Variants in LDB2 observed in about 807,000 individuals in gnomAD.
The protein encoded by LDB2 is LIM domain binding 2.
Under a neutral mutation model 44.3 loss-of-function variants are expected in LDB2, and 12 were observed. The observed-to-expected ratio is 0.27, with a 90% CI of 0.17 to 0.44. The LOEUF (loss-of-function observed/expected upper bound fraction) is 0.44. Among genes scored for constraint, LDB2 ranks in the 20% least tolerant of loss-of-function variants. LDB2 has a pLI of 1.00. For synonymous variants in LDB2, 164 were observed against 174.8 expected, an observed-to-expected ratio of 0.94 and a Z score of 0.49; for missense variants, 344 against 473.5, an observed-to-expected ratio of 0.73 and a Z score of 2.54.
intron 5 of LDB2, among the ~76,000 whole-genome samples, chr4:16,520,921 C>T (rs1374958644): frequency 6.6e-6 from 1 of 152,172 alleles, no homozygotes; most frequent in Non-Finnish European, 1.5e-5. Context: ...GCCATAATTT[C>T]TCTGCCATAT....
intron 1 of LDB2, among the ~76,000 whole-genome samples, chr4:16,804,131 T>A (rs1372417959): frequency 6.6e-6 from 1 of 152,186 alleles, no homozygotes; most frequent in Non-Finnish European, 1.5e-5. Flanking sequence ...ATACTTTTTT[T>A]CTTTAAGAGA....
chr4:16,841,967 A>G (rs1785973682), intron 1 of LDB2, among the ~76,000 whole-genome samples: 1 of 152,226 alleles, frequency 6.6e-6, no homozygotes, highest in African/African-American at 2.4e-5. Flanking sequence ...AGAGGCCATC[A>G]AGACCCTCAT....
intron 7 of LDB2, among the ~76,000 whole-genome samples, chr4:16,507,970 C>G (rs1016829737): frequency 3.9e-5 from 6 of 152,154 alleles, no homozygotes; most frequent in Non-Finnish European, 8.8e-5. Flanking sequence ...GCCAAGGGTT[C>G]GAGAGAGTTG....
chr4:16,606,353 AG>A (rs1723930777), intron 2 of LDB2, among the ~76,000 whole-genome samples: 1 of 152,234 alleles, frequency 6.6e-6, no homozygotes, highest in Admixed American at 6.5e-5. Context: ...TTTTCTCAAC[AG>A]GGTAGAAAGG....
At chr4:16,877,094 T>A (rs1464142270) in intron 1 of LDB2, among the ~76,000 whole-genome samples, 1 of 152,086 alleles carries the variant, frequency 6.6e-6, no homozygotes, top group Non-Finnish European at 1.5e-5. Flanking sequence ...TCCAAACATT[T>A]TCAAATCTGT....
intron 1 of LDB2, among the ~76,000 whole-genome samples, chr4:16,891,935 T>G (rs1457478971): frequency 6.6e-6 from 1 of 152,204 alleles, no homozygotes; most frequent in Non-Finnish European, 1.5e-5. Context: ...TAAACTACCG[T>G]CTATTTGACC....
chr4:16,544,980 G>A (rs1735182901), intron 5 of LDB2, among the ~76,000 whole-genome samples: 1 of 152,100 alleles, frequency 6.6e-6, no homozygotes, highest in Admixed American at 6.5e-5. Context: ...GGCAAGAGAT[G>A]GAGAGAGAAC....
At chr4:16,505,554 A>G (rs1246317774) in intron 7 of LDB2, among the ~76,000 whole-genome samples, 1 of 152,184 alleles carries the variant, frequency 6.6e-6, no homozygotes, top group African/African-American at 2.4e-5. Flanking sequence ...ACACAAAATA[A>G]ATAAAGCATG....
chr4:16,655,132 A>G (rs945532862), intron 2 of LDB2, among the ~76,000 whole-genome samples: 1 of 152,194 alleles, frequency 6.6e-6, no homozygotes, highest in African/African-American at 2.4e-5. Context: ...TTGAAAAAAT[A>G]GATCCATATT....
intron 1 of LDB2, among the ~76,000 whole-genome samples, chr4:16,891,911 A>G (rs1291675903): frequency 6.6e-6 from 1 of 152,252 alleles, no homozygotes; most frequent in Non-Finnish European, 1.5e-5. Flanking sequence ...CAGAGTAGTT[A>G]CAACCTCTGA....
chr4:16,821,852 C>G (rs1248397579), intron 1 of LDB2, among the ~76,000 whole-genome samples: 1 of 149,762 alleles, frequency 6.7e-6, no homozygotes, highest in African/African-American at 2.4e-5. Context: ...CTAGTGGCCT[C>G]TATGATTAAA....
chr4:16,557,072 T>G, intron 5 of LDB2, among the ~76,000 whole-genome samples: 1 of 152,194 alleles, frequency 6.6e-6, no homozygotes. Context: ...CATAAGAAGA[T>G]AGATCTCGAT....
At chr4:16,632,347 T>C (rs1036062476) in intron 2 of LDB2, among the ~76,000 whole-genome samples, 1 of 152,152 alleles carries the variant, frequency 6.6e-6, no homozygotes, top group Non-Finnish European at 1.5e-5. Context: ...ATTATCTCAA[T>C]AGATGCAGAA....
intron 2 of LDB2, among the ~76,000 whole-genome samples, chr4:16,705,419 T>A (rs1332427716): frequency 6.6e-6 from 1 of 152,164 alleles, no homozygotes; most frequent in East Asian, 1.9e-4. Flanking sequence ...TCTGAGCTGA[T>A]GTCTCAGGAG....
At chr4:16,884,725 T>A (rs1017523715) in intron 1 of LDB2, among the ~76,000 whole-genome samples, 9 of 152,244 alleles carry the variant, frequency 5.9e-5, no homozygotes, top group Non-Finnish European at 1.3e-4. Flanking sequence ...GTGTAGTAGA[T>A]GTTCAATATC....
chr4:16,549,726 T>G (rs1236892108), intron 5 of LDB2, among the ~76,000 whole-genome samples: 1 of 152,214 alleles, frequency 6.6e-6, no homozygotes, highest in Non-Finnish European at 1.5e-5. Flanking sequence ...TGGAAAGGAT[T>G]AGAGAAGTTA....
At chr4:16,877,920 A>G (rs766134690) in intron 1 of LDB2, among the ~76,000 whole-genome samples, 4 of 152,196 alleles carry the variant, frequency 2.6e-5, no homozygotes, top group Non-Finnish European at 4.4e-5. Flanking sequence ...AAGAATCACA[A>G]GAGCTTCTCA....
chr4:16,781,058 A>T (rs1773109929), intron 1 of LDB2, among the ~76,000 whole-genome samples: 2 of 151,666 alleles, frequency 1.3e-5, no homozygotes, highest in Admixed American at 1.3e-4. Context: ...AGATTAATTG[A>T]CTCTTTCCAT....
At chr4:16,747,150 A>T (rs1236084755) in intron 2 of LDB2, among the ~76,000 whole-genome samples, 1 of 152,208 alleles carries the variant, frequency 6.6e-6, no homozygotes, top group Non-Finnish European at 1.5e-5. Context: ...GGGCTGGTGG[A>T]CCATTTTCTT....
Sources: gnomAD v4.1 joint callset for allele counts (sites outside exome capture counted in the v4.1 genomes callset) on GRCh38, gnomAD v4.1.1 for gene constraint, MANE v1.5 for transcripts, NCBI Gene and HGNC (gene_info 2026-07-23, HGNC 2026-07-21) for gene names.